Variants in GRID2 observed in about 807,000 individuals in gnomAD.
GRID2 encodes glutamate ionotropic receptor delta type subunit 2, also known as glutamate receptor ionotropic, delta-2.
Under a neutral mutation model 114.8 loss-of-function variants are expected in GRID2, and 33 were observed. The observed-to-expected ratio is 0.29, with a 90% CI of 0.22 to 0.38. GRID2 has a LOEUF of 0.38. GRID2 is among the 10% of genes least tolerant of loss of function. The pLI is 1.00. For synonymous variants in GRID2, 505 were observed against 449.9 expected, an observed-to-expected ratio of 1.12 and a Z score of -1.55; for missense variants, 1,184 against 1,257.7, an observed-to-expected ratio of 0.94 and a Z score of 0.89.
At chr4:93,116,049 A>G (rs914653319) in intron 4 of GRID2, among the ~76,000 whole-genome samples, 1 of 152,148 alleles carries the variant, frequency 6.6e-6, no homozygotes, top group Non-Finnish European at 1.5e-5. Flanking sequence ...TTCTTATATA[A>G]TAAGTGATGA....
intron 4 of GRID2, among the ~76,000 whole-genome samples, chr4:93,171,842 A>T (rs17020215): frequency 0.05 from 7,588 of 152,254 alleles, 522 homozygotes; most frequent in African/African-American, 0.15. Context: ...CCGCACACTC[A>T]AGTTCATAGT....
intron 2 of GRID2, among the ~76,000 whole-genome samples, chr4:92,665,048 A>G (rs1038733019): frequency 6.0e-5 from 9 of 150,438 alleles, no homozygotes; most frequent in African/African-American, 2.2e-4. Context: ...ACTGATAAGG[A>G]AAATCTTCTG....
chr4:93,244,877 TC>T (rs368626804), intron 8 of GRID2, among the ~76,000 whole-genome samples: 2 of 151,694 alleles, frequency 1.3e-5, no homozygotes, highest in Admixed American at 6.6e-5. Context: ...TTTTATGTTT[TC>T]TTAAAGCACT....
chr4:93,397,676 T>C (rs975227569), intron 9 of GRID2, among the ~76,000 whole-genome samples: 2 of 151,910 alleles, frequency 1.3e-5, no homozygotes, highest in Middle Eastern at 3.2e-3. Flanking sequence ...GGTTGACCCT[T>C]GGTGTCTGTG....
chr4:93,068,673 A>G (rs1222642718), intron 2 of GRID2, among the ~76,000 whole-genome samples: 1 of 145,108 alleles, frequency 6.9e-6, no homozygotes, highest in Non-Finnish European at 1.5e-5. Flanking sequence ...TTTCCTACTC[A>G]AAGTAGCCTT....
intron 2 of GRID2, among the ~76,000 whole-genome samples, chr4:92,801,168 C>T (rs1357276388): frequency 6.6e-6 from 1 of 151,848 alleles, no homozygotes; most frequent in Non-Finnish European, 1.5e-5. Flanking sequence ...TGAGAAGAGC[C>T]CCTGAGAAAG....
chr4:93,370,015 C>T (rs1040571831), intron 8 of GRID2, among the ~76,000 whole-genome samples: 24 of 152,056 alleles, frequency 1.6e-4, no homozygotes, highest in Non-Finnish European at 4.4e-5. Flanking sequence ...GCACTGAAGC[C>T]TTATTGACTC....
chr4:93,625,645 G>A (rs1446614915), intron 13 of GRID2, among the ~76,000 whole-genome samples: 4 of 152,250 alleles, frequency 2.6e-5, no homozygotes, highest in African/African-American at 4.8e-5. Flanking sequence ...GCCGGGCGCG[G>A]TGGCTCACGC....
intron 11 of GRID2, among the ~76,000 whole-genome samples, chr4:93,465,674 G>T (rs2149426756): frequency 6.6e-6 from 1 of 152,272 alleles, no homozygotes; most frequent in South Asian, 2.1e-4. Context: ...GCAAGAGATA[G>T]AATCAGCCAT....
chr4:93,456,004 A>T (rs767969146), intron 11 of GRID2, 30 bp downstream of exon 11: 12 of 1,233,598 alleles, frequency 9.7e-6, no homozygotes, highest in South Asian at 6.1e-5. Context: ...TCTAGTATTT[A>T]AAAAAAATAG....
At chr4:93,493,141 T>C (rs1272117052) in intron 12 of GRID2, among the ~76,000 whole-genome samples, 1 of 151,932 alleles carries the variant, frequency 6.6e-6, no homozygotes, top group African/African-American at 2.4e-5. Context: ...TTATCAATTA[T>C]GTTGAATGTG....
chr4:93,799,148 A>G (rs1305765200), intron 1 of GRID2, among the ~76,000 whole-genome samples: 1 of 152,212 alleles, frequency 6.6e-6, no homozygotes, highest in Non-Finnish European at 1.5e-5. Context: ...TTTATGCCTC[A>G]GTATTATTGT....
Position 93,426,363 on chromosome 4 carries a change from A to G in GRID2, c.1545+3395A>G, listed in dbSNP as rs373446704. Among the ~76,000 whole-genome samples the G allele has an allele frequency of 1.8e-4, 28 of 152,288 alleles. No individual in the cohort carries two copies. The East Asian group carries it at 3.5e-3, about 19-fold the overall frequency. ...TTTCTAAGGGCTGTTTCCTGATCTG[A>G]ACCCAGATTAGCAATTACGTTAAAA... is the stretch of plus-strand genomic sequence containing the variant. On this transcript the variant is annotated intron_variant, in intron 10 of 15. Coordinates refer to ENST00000282020, the MANE Select transcript of GRID2 (RefSeq NM_001510.4).
downstream of GRID2, among the ~76,000 whole-genome samples, chr4:93,779,509 T>C (rs191183128): frequency 6.6e-6 from 1 of 152,152 alleles, no homozygotes; most frequent in African/African-American, 2.4e-5. Context: ...CCACCCAGCT[T>C]CTCCTGAGAA....
intron 3 of GRID2, among the ~76,000 whole-genome samples, chr4:93,098,034 AT>A (rs1270048409): frequency 6.6e-6 from 1 of 151,844 alleles, no homozygotes; most frequent in Non-Finnish European, 1.5e-5. Flanking sequence ...ATCCCTTGCT[AT>A]TCTAGTTTTT....
chr4:92,980,065 G>A (rs1206598680), intron 2 of GRID2, among the ~76,000 whole-genome samples: 1 of 152,058 alleles, frequency 6.6e-6, no homozygotes, highest in African/African-American at 2.4e-5. Context: ...GCTAATATTT[G>A]CCTTAATAAT....
intron 2 of GRID2, among the ~76,000 whole-genome samples, chr4:93,075,752 G>T (rs1234500831): frequency 4.6e-5 from 7 of 152,086 alleles, no homozygotes; most frequent in Non-Finnish European, 8.8e-5. Context: ...TGACAAAGGT[G>T]CAAGACATGT....
intron 2 of GRID2, among the ~76,000 whole-genome samples, chr4:92,899,824 C>T (rs943275935): frequency 6.6e-5 from 10 of 152,090 alleles, no homozygotes; most frequent in South Asian, 6.2e-4. Context: ...AATGAATAAA[C>T]ACATTTTATA....
chr4:93,121,743 A>C (rs1733800106), intron 4 of GRID2, among the ~76,000 whole-genome samples: 1 of 152,166 alleles, frequency 6.6e-6, no homozygotes, highest in African/African-American at 2.4e-5. Flanking sequence ...GTTTATACCA[A>C]TTTTACTATT....
Sources: allele counts gnomAD v4.1 joint callset (sites outside exome capture counted in the v4.1 genomes callset), GRCh38; gene constraint gnomAD v4.1.1; transcripts MANE v1.5; gene names NCBI Gene and HGNC (gene_info 2026-07-23, HGNC 2026-07-21).